The following SLTM variants were observed in gnomAD, a reference collection of about 807,000 sequenced individuals.
SLTM encodes SAFB like transcription modulator.
A neutral mutation model predicts 134.6 loss-of-function variants in SLTM; 43 were observed. The ratio of observed to expected loss-of-function variants is 0.32; its 90% CI spans 0.25 to 0.41. The LOEUF (loss-of-function observed/expected upper bound fraction) is 0.41, where lower values mean the gene tolerates loss of function less well. Ranked by LOEUF, SLTM falls within the 10% of genes least tolerant of loss-of-function variation. SLTM has a pLI of 1.00. For missense variants in SLTM, 1,055 were observed against 1,288.8 expected, an observed-to-expected ratio of 0.82 and a Z score of 2.78; for synonymous variants, 424 against 432.3, an observed-to-expected ratio of 0.98 and a Z score of 0.24.
chr15:58,911,562 C>T (rs777751969), intron 5 of SLTM, among the ~76,000 whole-genome samples: 2 of 151,598 alleles, frequency 1.3e-5, no homozygotes, highest in Non-Finnish European at 2.9e-5. Flanking sequence ...AGATCAAAAC[C>T]ACCAAACCCT....
chr15:58,918,467 T>C (rs2036799824), intron 2 of SLTM, among the ~76,000 whole-genome samples: 1 of 152,172 alleles, frequency 6.6e-6, no homozygotes, highest in Admixed American at 6.5e-5. Flanking sequence ...CTAAGTCATT[T>C]CCGCAAATGA....
intron 5 of SLTM, among the ~76,000 whole-genome samples, chr15:58,905,369 A>G (rs1321249412): frequency 6.6e-6 from 1 of 152,080 alleles, no homozygotes; most frequent in Non-Finnish European, 1.5e-5. Flanking sequence ...AAACTGAGAC[A>G]CCTGAGCTTG....
At chr15:58,923,640 C>T (rs554484258) in intron 2 of SLTM, among the ~76,000 whole-genome samples, 4 of 152,044 alleles carry the variant, frequency 2.6e-5, no homozygotes, top group African/African-American at 4.8e-5. Context: ...TATGTCTACC[C>T]GATTTAAACC....
At chr15:58,896,911 A>T (rs1204868551) in intron 9 of SLTM, among the ~76,000 whole-genome samples, 1 of 152,258 alleles carries the variant, frequency 6.6e-6, no homozygotes, top group Non-Finnish European at 1.5e-5. Context: ...AAGATTCCCA[A>T]GGCTCAGAGA....
intron 2 of SLTM, among the ~76,000 whole-genome samples, chr15:58,921,864 C>T (rs2037071624): frequency 6.6e-6 from 1 of 152,078 alleles, no homozygotes; most frequent in Non-Finnish European, 1.5e-5. Flanking sequence ...CAACCTCCGC[C>T]TCCCAGGTTC....
intron 20 of SLTM, 22 bp from the exon 21 acceptor site, chr15:58,880,129 A>C (rs575969102): frequency 6.2e-6 from 10 of 1,608,798 alleles, no homozygotes; most frequent in Non-Finnish European, 8.5e-6. Flanking sequence ...TTAAAAGAAA[A>C]AAACATCAGA....
intron 2 of SLTM, among the ~76,000 whole-genome samples, chr15:58,919,007 C>T (rs2036838035): frequency 6.6e-6 from 1 of 151,930 alleles, no homozygotes; most frequent in African/African-American, 2.4e-5. Flanking sequence ...CTCTGCCTCC[C>T]GAGTTCAAGC....
intron 2 of SLTM, among the ~76,000 whole-genome samples, chr15:58,929,304 T>C (rs907966063): frequency 6.6e-6 from 1 of 151,958 alleles, no homozygotes; most frequent in Non-Finnish European, 1.5e-5. Context: ...CAAAATTAGT[T>C]TGGAGTGGTG....
chr15:58,923,200 A>AC (rs2141205627), intron 2 of SLTM, among the ~76,000 whole-genome samples: 1 of 152,174 alleles, frequency 6.6e-6, no homozygotes, highest in African/African-American at 2.4e-5. Context: ...TCTACAAAAA[A>AC]ACACACAAAT....
intron 1 of SLTM, 129 bp from the exon 2 acceptor site, chr15:58,932,572 A>C: frequency 1.6e-6 from 1 of 611,738 alleles, no homozygotes; most frequent in East Asian, 2.8e-5. Flanking sequence ...TCATCAACCG[A>C]CTTCAAAAAT....
In SLTM at chr15:58,933,542, C is replaced by T; in HGVS notation, c.24G>A (p.Val8=). ...CCTGACCCGAGGCGGCCGAGGCTGCCACCGCACCGGTAGCGGCAGCCATCT... is the reference window on the plus strand; with the variant it reads ...CCTGACCCGAGGCGGCCGAGGCTGCTACCGCACCGGTAGCGGCAGCCATCT... MAAATGA[V]AASAASGQAE... The change falls in exon 1 of 21, where the codon GTG becomes GTA. Residue 8 remains valine, a synonymous_variant. Transcript: ENST00000380516. 1.3e-6 allele frequency: 2 copies of T among 1,595,188 alleles called. No homozygotes were observed. Among genetic ancestry groups the T allele is most frequent in the South Asian group, 1.1e-5 (1 of 89,032 alleles).
At chr15:58,931,202 TC>T (rs2037854995) in intron 2 of SLTM, among the ~76,000 whole-genome samples, 1 of 152,206 alleles carries the variant, frequency 6.6e-6, no homozygotes, top group Admixed American at 6.5e-5. Context: ...GTCAGAGTTA[TC>T]TTAAAAGCTA....
chr15:58,921,101 C>T (rs113325349), intron 2 of SLTM, among the ~76,000 whole-genome samples: 7 of 152,312 alleles, frequency 4.6e-5, no homozygotes, highest in African/African-American at 1.7e-4. Flanking sequence ...AATTACACTT[C>T]AGCAACAAAA....
At chr15:58,885,740 C>T (rs1400398570) in intron 19 of SLTM, among the ~76,000 whole-genome samples, 1 of 152,062 alleles carries the variant, frequency 6.6e-6, no homozygotes, top group Admixed American at 6.6e-5. Flanking sequence ...GCCGAGATCG[C>T]ACCACGGCAT....
At chr15:58,923,799 C>CCT (rs2037267061) in intron 2 of SLTM, among the ~76,000 whole-genome samples, 1 of 69,544 alleles carries the variant, frequency 1.4e-5, no homozygotes, top group African/African-American at 5.5e-5. Flanking sequence ...GAAGCCAAAC[C>CCT]TTTTTTTTTT....
intron 2 of SLTM, among the ~76,000 whole-genome samples, chr15:58,927,288 T>C (rs1164084516): frequency 1.3e-5 from 2 of 152,172 alleles, no homozygotes; most frequent in African/African-American, 4.8e-5. Context: ...GAACAGATTA[T>C]CTAAAGATGA....
At chr15:58,927,222 G>A (rs1441227366) in intron 2 of SLTM, among the ~76,000 whole-genome samples, 1 of 152,072 alleles carries the variant, frequency 6.6e-6, no homozygotes, top group Non-Finnish European at 1.5e-5. Flanking sequence ...GGCACCAAAA[G>A]AGATATTTCT....
intron 5 of SLTM, among the ~76,000 whole-genome samples, chr15:58,905,571 AT>A (rs566983930): frequency 6.6e-6 from 1 of 152,014 alleles, no homozygotes; most frequent in Non-Finnish European, 1.5e-5. Context: ...AAAATAAATA[AT>A]TTTTTAAAAA....
intron 2 of SLTM, 85 bp from the exon 3 acceptor site, chr15:58,917,084 C>T: frequency 8.4e-7 from 1 of 1,188,824 alleles, no homozygotes; most frequent in Non-Finnish European, 1.2e-6. Context: ...TGCAATAGCA[C>T]TCTCCACTCC....
Sources: gnomAD v4.1 joint callset for allele counts (sites outside exome capture counted in the v4.1 genomes callset) on GRCh38, gnomAD v4.1.1 for gene constraint, MANE v1.5 for transcripts, NCBI Gene and HGNC (gene_info 2026-07-23, HGNC 2026-07-21) for gene names.